ADGRD2: variants seen among roughly 807,000 people sequenced by gnomAD.
The protein encoded by ADGRD2 is adhesion G protein-coupled receptor D2.
ADGRD2 carries 71 observed loss-of-function variants against 44.4 expected under a neutral mutation model. The observed-to-expected ratio is 1.60, with a 90% CI of 1.32 to 1.95. ADGRD2 has a LOEUF of 1.95. ADGRD2 is among the 30% of genes most tolerant of loss of function. The pLI is 0.00. For synonymous variants in ADGRD2, 481 were observed against 224.8 expected (o/e 2.14, Z -10.19); for missense variants, 1,039 against 512.4 (o/e 2.03, Z -9.92).
intron 21 of ADGRD2, 21 bp from the exon 25 acceptor site, chr9:124,478,260 A>G (rs950769201): frequency 2.0e-5 from 3 of 152,596 alleles, no homozygotes; most frequent in African/African-American, 7.2e-5. Context: ...GCCCAGCCCC[A>G]AGGGCGCACT....
At position 124,469,430 on chromosome 9, in the gene ADGRD2, A is replaced by G. The variant is rs758701146; in HGVS notation, c.2522-2A>G. On this transcript the variant is annotated splice_acceptor_variant, in intron 15 of 21. Coordinates refer to ENST00000334810, the Ensembl canonical transcript of ADGRD2. LOFTEE classifies it high-confidence loss of function. ...TCTTGCCCACTGACCCCAGGTCTCC[A>G]GGCCAACACCTGCATCCTGGCCCGT... is the stretch of plus-strand genomic sequence containing the variant. 1.1e-5 allele frequency: 8 copies of G among 718,094 alleles called. No homozygotes were observed. Among genetic ancestry groups the G allele is most frequent in the South Asian group, 4.4e-5 (3 of 67,610 alleles). 44.5% of individuals were successfully genotyped at this position (718,094 alleles called of 1,614,324 possible). A position where few individuals can be genotyped will look rare whatever the true frequency, so the allele number is the denominator to read the frequency against.
chr9:124,462,821 G>T (rs1353794039), intron 10 of ADGRD2, among the ~76,000 whole-genome samples: 2 of 152,036 alleles, frequency 1.3e-5, no homozygotes, highest in Admixed American at 6.5e-5. Flanking sequence ...CTACACACTT[G>T]CTCATGTTGT....
chr9:124,452,211 T>G, intron 1 of ADGRD2, 57 bp downstream of exon 4: 2 of 673,752 alleles, frequency 3.0e-6, no homozygotes, highest in Non-Finnish European at 5.5e-6. Flanking sequence ...AGCAAGTCTG[T>G]GATCCAAGGG....
chr9:124,471,373 G>A (rs1360255480), intron 17 of ADGRD2, among the ~76,000 whole-genome samples: 4 of 152,228 alleles, frequency 2.6e-5, no homozygotes, highest in South Asian at 2.1e-4. Context: ...AGGCTGGACT[G>A]TGCCAGGCTC....
chr9:124,468,481 G>T, intron 13 of ADGRD2, 38 bp from the exon 17 acceptor site: 1 of 717,536 alleles, frequency 1.4e-6, no homozygotes, highest in South Asian at 1.5e-5. Flanking sequence ...ACCTGCGTCT[G>T]ACCTCGGACC....
At chr9:124,458,892 T>C (rs1179471286) in intron 10 of ADGRD2, among the ~76,000 whole-genome samples, 171 bp downstream of exon 13, 1 of 152,232 alleles carries the variant, frequency 6.6e-6, no homozygotes, top group African/African-American at 2.4e-5. Flanking sequence ...AGCGATTGAC[T>C]GCAGGGTCAC....
At chr9:124,475,393 G>C (rs1832025271) in intron 17 of ADGRD2, 53 bp from the exon 21 acceptor site, 2 of 695,008 alleles carry the variant, frequency 2.9e-6, no homozygotes, top group Non-Finnish European at 2.7e-6. Flanking sequence ...GCCAGGCTGT[G>C]GGGGATGGGG....
At chr9:124,467,698 G>C in intron 11 of ADGRD2, 23 bp from the exon 15 acceptor site, 1 of 718,048 alleles carries the variant, frequency 1.4e-6, no homozygotes, top group Admixed American at 2.0e-5. Context: ...GTGCCAGGGG[G>C]GTTTCTCTGT....
intron 17 of ADGRD2, among the ~76,000 whole-genome samples, chr9:124,472,469 T>G (rs143084645): frequency 5.0e-5 from 3 of 60,034 alleles, no homozygotes; most frequent in Admixed American, 2.1e-4. Context: ...TTTTGTTTGT[T>G]TTTTGTTTTT....
At chr9:124,477,479 G>T (rs966453681) in intron 21 of ADGRD2, among the ~76,000 whole-genome samples, 2 of 152,348 alleles carry the variant, frequency 1.3e-5, no homozygotes, top group East Asian at 3.9e-4. Flanking sequence ...ATTCAGAGAG[G>T]GGGAGGGGGA....
upstream of ADGRD2, among the ~76,000 whole-genome samples, chr9:124,450,595 G>A (rs1451199793): frequency 6.6e-6 from 1 of 152,260 alleles, no homozygotes; most frequent in Non-Finnish European, 1.5e-5. Context: ...CCTCGCGGAG[G>A]AGGGACGCGC....
At chr9:124,472,293 C>G (rs191051822) in intron 17 of ADGRD2, among the ~76,000 whole-genome samples, 28 of 152,184 alleles carry the variant, frequency 1.8e-4, no homozygotes, top group Non-Finnish European at 3.7e-4. Context: ...GGCTCCCCCT[C>G]TGTCACTGTC....
intron 7 of ADGRD2, among the ~76,000 whole-genome samples, chr9:124,457,066 C>A (rs1054984319): frequency 2.6e-5 from 4 of 152,206 alleles, no homozygotes; most frequent in African/African-American, 9.7e-5. Flanking sequence ...GAATTATCTC[C>A]CTCTATGGGA....
chr9:124,459,261 G>A (rs1831679517), intron 10 of ADGRD2, among the ~76,000 whole-genome samples: 1 of 152,208 alleles, frequency 6.6e-6, no homozygotes. Context: ...GGAGGCCGAG[G>A]CGGGCGGATC....
chr9:124,459,183 T>A (rs1399403092), intron 10 of ADGRD2, among the ~76,000 whole-genome samples: 5 of 152,158 alleles, frequency 3.3e-5, no homozygotes. Flanking sequence ...TGTCCATCAG[T>A]AGGGGACTAC....
chr9:124,452,343 G>C, intron 1 of ADGRD2, 167 bp from the exon 5 acceptor site: 1 of 643,326 alleles, frequency 1.6e-6, no homozygotes, highest in Non-Finnish European at 2.9e-6. Context: ...CGCAGATGAC[G>C]AAAAGAGCTC....
intron 13 of ADGRD2, 61 bp from the exon 17 acceptor site, chr9:124,468,458 G>A (rs1039825633): frequency 1.7e-5 from 12 of 715,548 alleles, no homozygotes; most frequent in South Asian, 3.0e-5. Flanking sequence ...CATGGGCCGC[G>A]GGGCTGGCCT....
At chr9:124,475,145 A>G (rs1048527021) in intron 17 of ADGRD2, among the ~76,000 whole-genome samples, 2 of 152,230 alleles carry the variant, frequency 1.3e-5, no homozygotes, top group East Asian at 1.9e-4. Context: ...GGCGGTGAGG[A>G]TGGGACAGGC....
At chr9:124,452,099 T>C (rs1285051192) in exon 1 of ADGRD2, 2 of 687,140 alleles carry the variant, frequency 2.9e-6, no homozygotes, top group Non-Finnish European at 5.4e-6. Context: ...AGATCAGGAG[T>C]CTCTCTGGGA....
Sources: gnomAD v4.1 joint callset for allele counts (sites outside exome capture counted in the v4.1 genomes callset) on GRCh38, gnomAD v4.1.1 for gene constraint, MANE v1.5 for transcripts, NCBI Gene and HGNC (gene_info 2026-07-23, HGNC 2026-07-21) for gene names.